Variants in TAOK3 observed in about 807,000 individuals in gnomAD.
The protein encoded by TAOK3 is serine/threonine-protein kinase TAO3.
In TAOK3, 40 loss-of-function variants were observed where a neutral mutation model predicts 120.4. The ratio of observed to expected loss-of-function variants is 0.33; its 90% CI spans 0.26 to 0.43. TAOK3 has a LOEUF of 0.43. Among genes scored for constraint, TAOK3 ranks in the 20% least tolerant of loss-of-function variants. TAOK3 has a pLI of 1.00. For missense variants in TAOK3, 821 were observed against 1,112.1 expected (o/e 0.74, Z 3.72); for synonymous variants, 355 against 387.5 (o/e 0.92, Z 0.99).
At chr12:118,348,192 C>T (rs189939539) in intron 1 of TAOK3, among the ~76,000 whole-genome samples, 4 of 152,324 alleles carry the variant, frequency 2.6e-5, no homozygotes, top group Admixed American at 2.6e-4. Context: ...CGGAAGTAAT[C>T]TCTTCCTTCT....
At chr12:118,197,309 G>A (rs1389211565) in intron 13 of TAOK3, among the ~76,000 whole-genome samples, 1 of 151,818 alleles carries the variant, frequency 6.6e-6, no homozygotes, top group Non-Finnish European at 1.5e-5. Flanking sequence ...TATATTTTTT[G>A]TGGATCAAAT....
intron 11 of TAOK3, among the ~76,000 whole-genome samples, chr12:118,209,348 A>T (rs1014834503): frequency 6.6e-6 from 1 of 152,222 alleles, no homozygotes; most frequent in African/African-American, 2.4e-5. Flanking sequence ...AAATAGGTGC[A>T]GTGGTTGCTA....
chr12:118,247,017 A>C (rs2040545070), intron 3 of TAOK3: 4 of 861,152 alleles, frequency 4.6e-6, no homozygotes, highest in Admixed American at 2.8e-5. Context: ...AAAAATTATA[A>C]AAGAATTTAT....
chr12:118,206,202 A>G (rs1472424021), intron 11 of TAOK3, among the ~76,000 whole-genome samples: 2 of 152,254 alleles, frequency 1.3e-5, no homozygotes, highest in African/African-American at 4.8e-5. Flanking sequence ...TAAAAGCTAC[A>G]TGCTAAGGAT....
intron 1 of TAOK3, among the ~76,000 whole-genome samples, chr12:118,290,894 T>C (rs866939457): frequency 0.014 from 2,036 of 143,054 alleles, 44 homozygotes; most frequent in African/African-American, 0.049. Context: ...GGGCGTTTAC[T>C]TTTTTTTTTT....
At chr12:118,230,479 T>G (rs1219405960) in intron 9 of TAOK3, among the ~76,000 whole-genome samples, 5 of 133,664 alleles carry the variant, frequency 3.7e-5, no homozygotes, top group Admixed American at 7.6e-5. Flanking sequence ...TTTTTTTTTT[T>G]TTTTTTTTTT....
intron 3 of TAOK3, among the ~76,000 whole-genome samples, chr12:118,247,269 T>A (rs991550397): frequency 6.6e-6 from 1 of 152,190 alleles, no homozygotes; most frequent in East Asian, 1.9e-4. Context: ...ATTACTTATA[T>A]TTTATAATAA....
chr12:118,332,075 T>C (rs1213214867), intron 1 of TAOK3, among the ~76,000 whole-genome samples: 1 of 152,250 alleles, frequency 6.6e-6, no homozygotes, highest in East Asian at 1.9e-4. Context: ...TCCTTCCACC[T>C]TGGCCTCCCA....
intron 17 of TAOK3, among the ~76,000 whole-genome samples, chr12:118,171,625 G>A (rs2036002284): frequency 6.6e-6 from 1 of 152,162 alleles, no homozygotes; most frequent in African/African-American, 2.4e-5. Flanking sequence ...CCAAAGTGCT[G>A]GGATTACAGG....
intron 9 of TAOK3, among the ~76,000 whole-genome samples, chr12:118,223,768 C>T (rs1391774489): frequency 2.6e-5 from 4 of 151,792 alleles, no homozygotes; most frequent in Non-Finnish European, 5.9e-5. Flanking sequence ...ATCAGCCTCC[C>T]AAGTAGCTGG....
intron 1 of TAOK3, among the ~76,000 whole-genome samples, chr12:118,341,885 G>A (rs2141129120): frequency 6.6e-6 from 1 of 152,242 alleles, no homozygotes. Context: ...TTAACCAGGT[G>A]TGGTGGCACA....
At chr12:118,276,063 A>G (rs1026059278) in intron 1 of TAOK3, among the ~76,000 whole-genome samples, 1 of 152,162 alleles carries the variant, frequency 6.6e-6, no homozygotes, top group Non-Finnish European at 1.5e-5. Flanking sequence ...GGATTTTATT[A>G]TAAGTGAGAT....
intron 2 of TAOK3, among the ~76,000 whole-genome samples, chr12:118,256,756 T>C (rs370119661): frequency 2.0e-5 from 3 of 152,062 alleles, no homozygotes; most frequent in Non-Finnish European, 4.4e-5. Flanking sequence ...TGGTTAGAGA[T>C]GGGGGTTTGG....
At chr12:118,264,155 A>G (rs1234069992) in intron 2 of TAOK3, among the ~76,000 whole-genome samples, 2 of 152,238 alleles carry the variant, frequency 1.3e-5, no homozygotes, top group African/African-American at 4.8e-5. Flanking sequence ...ATGGTAAAAC[A>G]CTTTGGAAAA....
At chr12:118,155,870 G>A (rs138528627) in intron 19 of TAOK3, among the ~76,000 whole-genome samples, 2,716 of 152,210 alleles carry the variant, frequency 0.018, 67 homozygotes, top group African/African-American at 0.052. Flanking sequence ...CCAAGTTACT[G>A]GGACTACAGG....
rs188017991 is a variant in TAOK3, at chr12:118,233,664, C to T, written c.643+10G>A. The T allele has an allele frequency of 1.0e-4, 165 of 1,577,966 alleles. No individual in the cohort carries two copies. In the African/African-American group the frequency reaches 1.2e-3, roughly 11 times the overall value. On this transcript the variant is annotated intron_variant, in intron 9 of 20. Transcript: ENST00000392533. Reference sequence around the variant, plus strand: ...AAAAATACAATGAAAACAAATAACTCTTTACTCACCCAATTCAATACAAGT... The same window carrying T: ...AAAAATACAATGAAAACAAATAACTTTTTACTCACCCAATTCAATACAAGT...
At chr12:118,156,717 A>G (rs1202546213) in intron 19 of TAOK3, among the ~76,000 whole-genome samples, 1 of 151,978 alleles carries the variant, frequency 6.6e-6, no homozygotes, top group African/African-American at 2.4e-5. Context: ...AAATACAGGT[A>G]GACCATCATC....
At chr12:118,235,428 C>T in intron 8 of TAOK3, 130 bp downstream of exon 8, 1 of 622,964 alleles carries the variant, frequency 1.6e-6, no homozygotes, top group Non-Finnish European at 2.9e-6. Flanking sequence ...GCTTTCTATC[C>T]TTCTCAAATG....
At chr12:118,255,277 T>C (rs1221195748) in intron 3 of TAOK3, among the ~76,000 whole-genome samples, 171 bp downstream of exon 3, 1 of 152,092 alleles carries the variant, frequency 6.6e-6, no homozygotes, top group Non-Finnish European at 1.5e-5. Context: ...TCAAACTTTA[T>C]TTTATTTTAG....
Sources: allele counts gnomAD v4.1 joint callset (sites outside exome capture counted in the v4.1 genomes callset), GRCh38; gene constraint gnomAD v4.1.1; transcripts MANE v1.5; gene names NCBI Gene and HGNC (gene_info 2026-07-23, HGNC 2026-07-21).